PPP2R5C: variants seen among roughly 807,000 people sequenced by gnomAD.
The protein encoded by PPP2R5C is serine/threonine-protein phosphatase 2A 56 kDa regulatory subunit gamma isoform.
PPP2R5C carries 7 observed loss-of-function variants against 68.9 expected under a neutral mutation model. That is an observed-to-expected ratio of 0.10 (90% CI 0.06 to 0.19). The LOEUF is 0.19. Ranked by LOEUF, PPP2R5C falls within the 10% of genes least tolerant of loss-of-function variation. PPP2R5C has a pLI of 1.00. For missense variants in PPP2R5C, 348 were observed against 641.3 expected, an observed-to-expected ratio of 0.54 and a Z score of 4.94; for synonymous variants, 210 against 222.2, an observed-to-expected ratio of 0.95 and a Z score of 0.49.
chr14:101,889,409 C>G (rs2044715081), intron 5 of PPP2R5C, among the ~76,000 whole-genome samples: 2 of 152,188 alleles, frequency 1.3e-5, no homozygotes, highest in Admixed American at 6.5e-5. Context: ...TTTCCTGTTT[C>G]CTAACATGTC....
Position 101,891,206 on chromosome 14 carries a change from A to G in PPP2R5C, c.689+910A>G, listed in dbSNP as rs867000711. Among the ~76,000 whole-genome samples the G allele has an allele frequency of 6.6e-6, 1 of 151,838 alleles. No individual in the cohort carries two copies. Among genetic ancestry groups the G allele is most frequent in the Non-Finnish European group, 1.5e-5 (1 of 67,984 alleles). On this transcript the variant is annotated intron_variant, in intron 6 of 13. Transcript: ENST00000334743. The surrounding 1 kb of genome is among the most constrained non-coding windows in gnomAD (Gnocchi z 4.9). ...GCACCTTTTTAGGGATGTAGTGTAG[A>G]TGGGCAGTTCCGGGTTCTCAGGAGC...
chr14:101,842,710 C>T (rs1468105055), intron 1 of PPP2R5C, among the ~76,000 whole-genome samples: 1 of 151,862 alleles, frequency 6.6e-6, no homozygotes, highest in African/African-American at 2.4e-5. Flanking sequence ...CATGGGTAGA[C>T]CAGCCTTAGC....
intron 10 of PPP2R5C, among the ~76,000 whole-genome samples, chr14:101,907,208 T>C (rs2046080465): frequency 6.6e-6 from 1 of 152,100 alleles, no homozygotes; most frequent in Admixed American, 6.6e-5. Context: ...TCTTGCTATG[T>C]CCCCCCGGCT....
intron 2 of PPP2R5C, 64 bp from the exon 3 acceptor site, chr14:101,785,954 T>C (rs1595160453): frequency 1.4e-6 from 2 of 1,398,912 alleles, no homozygotes; most frequent in East Asian, 5.2e-5. Context: ...TTTTCTATAT[T>C]TTAATAGTGC....
At chr14:101,893,353 C>G (rs1360595065) in intron 7 of PPP2R5C, among the ~76,000 whole-genome samples, 2 of 152,180 alleles carry the variant, frequency 1.3e-5, no homozygotes, top group Non-Finnish European at 2.9e-5. Flanking sequence ...GAGTAACTCT[C>G]TGAAAGGAGT....
At chr14:101,903,142 G>A (rs965612216) in intron 9 of PPP2R5C, among the ~76,000 whole-genome samples, 1 of 151,742 alleles carries the variant, frequency 6.6e-6, no homozygotes, top group African/African-American at 2.4e-5. Flanking sequence ...GCGCCACGGA[G>A]CCCTGGCTGA....
exon 14 of PPP2R5C, chr14:101,927,662 A>C (rs1200172537): frequency 1.3e-5 from 2 of 152,588 alleles, no homozygotes. Context: ...TTTTATGGTA[A>C]TAAGTAATAA....
Position 101,888,104 on chromosome 14 carries a change from A to G in PPP2R5C, c.630-2133A>G, listed in dbSNP as rs1041928066. 1.7e-4 allele frequency among the ~76,000 whole-genome samples: 26 copies of G among 152,218 alleles called. No individual in the cohort carries two copies. The highest frequency in any genetic ancestry group is 4.8e-4 in the African/African-American group (20 of 41,452). ...AGTAATGTTGATTTAGGAAAACAAA[A>G]TGGCTTATAACTGCAAGCCATCCTT... On this transcript the variant is annotated intron_variant, in intron 5 of 13. Transcript: ENST00000334743. This position sits in a 1 kb window ranked among gnomAD's most constrained non-coding sequence, Gnocchi z 5.6.
chr14:101,807,774 G>A (rs2140170229), upstream of PPP2R5C, among the ~76,000 whole-genome samples: 1 of 151,882 alleles, frequency 6.6e-6, no homozygotes, highest in Non-Finnish European at 1.5e-5. Flanking sequence ...ACTAATAAAG[G>A]CAAGATCCTT....
intron 2 of PPP2R5C, among the ~76,000 whole-genome samples, chr14:101,857,365 C>T (rs1405460813): frequency 6.6e-6 from 1 of 151,960 alleles, no homozygotes; most frequent in African/African-American, 2.4e-5. Context: ...GAGAAGGCCT[C>T]CACCTGTCAG....
intron 2 of PPP2R5C, among the ~76,000 whole-genome samples, chr14:101,878,191 A>G (rs571499033): frequency 9.8e-5 from 15 of 152,304 alleles, no homozygotes; most frequent in South Asian, 8.3e-4. Flanking sequence ...GGCCCCACTT[A>G]TGACTTCATT....
intron 1 of PPP2R5C, among the ~76,000 whole-genome samples, chr14:101,842,372 G>A (rs530880290): frequency 9.9e-4 from 151 of 152,304 alleles, no homozygotes; most frequent in African/African-American, 3.2e-3. Context: ...GGGCAGGAGC[G>A]CCCGTGGGCT....
intron 3 of PPP2R5C, among the ~76,000 whole-genome samples, chr14:101,800,291 G>C (rs976186733): frequency 1.3e-5 from 2 of 152,192 alleles, no homozygotes; most frequent in African/African-American, 4.8e-5. Context: ...GCCAGGCACG[G>C]TGGGTCATGC....
At chr14:101,858,381 G>A (rs1467587198) in intron 2 of PPP2R5C, among the ~76,000 whole-genome samples, 1 of 152,050 alleles carries the variant, frequency 6.6e-6, no homozygotes, top group Non-Finnish European at 1.5e-5. Flanking sequence ...TGGAGTATAT[G>A]TGATATTTAG....
intron 3 of PPP2R5C, chr14:101,796,927 G>A (rs66489616): frequency 0.13 from 38,851 of 304,958 alleles, 2,792 homozygotes; most frequent in Admixed American, 0.19. Flanking sequence ...AAACTGAGGT[G>A]AAATACACAT....
At chr14:101,911,028 G>C (rs2046354535) in intron 11 of PPP2R5C, among the ~76,000 whole-genome samples, 1 of 151,660 alleles carries the variant, frequency 6.6e-6, no homozygotes, top group African/African-American at 2.4e-5. Flanking sequence ...GTGTGAACCT[G>C]GGAGGCGGAG....
intron 3 of PPP2R5C, among the ~76,000 whole-genome samples, chr14:101,793,423 C>G (rs61994027): frequency 0.14 from 20,959 of 152,244 alleles, 1,597 homozygotes; most frequent in Admixed American, 0.19. Flanking sequence ...AGGAACTGGA[C>G]TGCGTGGGTG....
intron 1 of PPP2R5C, among the ~76,000 whole-genome samples, chr14:101,814,809 G>A (rs1373728843): frequency 1.3e-5 from 2 of 152,158 alleles, no homozygotes; most frequent in African/African-American, 4.8e-5. Context: ...ATTGCGAGGT[G>A]GTTCTTTTTG....
chr14:101,836,197 A>G (rs2041086944), intron 1 of PPP2R5C: 1 of 702,570 alleles, frequency 1.4e-6, no homozygotes, highest in Non-Finnish European at 2.6e-6. Context: ...GCAGGGTTTC[A>G]GCTGAGCTGA....
Sources: allele counts gnomAD v4.1 joint callset (sites outside exome capture counted in the v4.1 genomes callset), GRCh38; gene constraint gnomAD v4.1.1; non-coding constraint Gnocchi (gnomAD v3.1); transcripts MANE v1.5; gene names NCBI Gene and HGNC (gene_info 2026-07-23, HGNC 2026-07-21).